Variants in LYPLAL1 observed in about 807,000 individuals in gnomAD.
The protein encoded by LYPLAL1 is lysophospholipase like 1, also known as lysophospholipase-like protein 1.
In LYPLAL1, 23 loss-of-function variants were observed where a neutral mutation model predicts 19.7. The ratio of observed to expected loss-of-function variants is 1.17; its 90% CI spans 0.84 to 1.65. The LOEUF (loss-of-function observed/expected upper bound fraction) is 1.65. Among genes scored for constraint, LYPLAL1 ranks in the 40% most tolerant of loss-of-function variants. LYPLAL1 has a pLI of 0.00. For synonymous variants in LYPLAL1, 119 were observed against 96.3 expected, an observed-to-expected ratio of 1.24 and a Z score of -1.38; for missense variants, 355 against 279.4, an observed-to-expected ratio of 1.27 and a Z score of -1.93.
chr1:219,196,651 A>C (rs142504899), intron 3 of LYPLAL1, among the ~76,000 whole-genome samples: 1 of 152,166 alleles, frequency 6.6e-6, no homozygotes, highest in African/African-American at 2.4e-5. Context: ...GGCTGGGGCA[A>C]TCAGGCAAGA....
intron 3 of LYPLAL1, among the ~76,000 whole-genome samples, chr1:219,202,893 C>T (rs757827535): frequency 5.9e-5 from 9 of 151,738 alleles, no homozygotes; most frequent in Non-Finnish European, 1.0e-4. Context: ...CTCTATGTTG[C>T]CCAGGCTGGT....
the LYPLAL1 span, among the ~76,000 whole-genome samples, chr1:219,390,149 A>C: frequency 1.3e-5 from 2 of 152,138 alleles, no homozygotes; most frequent in Admixed American, 1.3e-4. Context: ...TACTGACTAC[A>C]CTGTGTAAAT....
chr1:219,283,702 G>C, the LYPLAL1 span, among the ~76,000 whole-genome samples: 46 of 152,318 alleles, frequency 3.0e-4, no homozygotes, highest in Non-Finnish European at 4.9e-4. Context: ...AGGAACCATA[G>C]AAGCATTCAA....
chr1:219,439,950 C>T, the LYPLAL1 span, among the ~76,000 whole-genome samples: 1 of 135,156 alleles, frequency 7.4e-6, no homozygotes, highest in Admixed American at 7.7e-5. Context: ...CTTAAGAAGA[C>T]AAAACTGACT....
the LYPLAL1 span, among the ~76,000 whole-genome samples, chr1:219,242,266 T>A: frequency 4.6e-5 from 7 of 152,150 alleles, no homozygotes; most frequent in Non-Finnish European, 8.8e-5. Flanking sequence ...TAATTTATAT[T>A]GCCAGAGAAA....
intron 2 of LYPLAL1, among the ~76,000 whole-genome samples, chr1:219,182,541 G>T (rs1011288128): frequency 1.3e-5 from 2 of 152,050 alleles, no homozygotes; most frequent in South Asian, 2.1e-4. Context: ...TGATAGATAC[G>T]TGCCTTCCTT....
At chr1:219,344,643 A>G in the LYPLAL1 span, among the ~76,000 whole-genome samples, 1 of 152,120 alleles carries the variant, frequency 6.6e-6, no homozygotes, top group African/African-American at 2.4e-5. Flanking sequence ...CTCCAGCTCT[A>G]TATGTCTGGG....
At chr1:219,372,846 A>G in the LYPLAL1 span, among the ~76,000 whole-genome samples, 16 of 152,224 alleles carry the variant, frequency 1.1e-4, no homozygotes, top group East Asian at 2.7e-3. Context: ...AGAGGCTGCA[A>G]TGTACCGTGA....
chr1:219,279,827 C>T, the LYPLAL1 span, among the ~76,000 whole-genome samples: 1 of 152,032 alleles, frequency 6.6e-6, no homozygotes, highest in Non-Finnish European at 1.5e-5. Context: ...AATGAAAACT[C>T]TCTGAGTCAT....
At chr1:219,350,644 G>A in the LYPLAL1 span, among the ~76,000 whole-genome samples, 135 of 152,314 alleles carry the variant, frequency 8.9e-4, 1 homozygote, top group East Asian at 0.019. Context: ...AGGGCATTTG[G>A]CAACAGTGGA....
chr1:219,189,456 T>A (rs138502429), intron 2 of LYPLAL1, among the ~76,000 whole-genome samples: 76 of 151,716 alleles, frequency 5.0e-4, no homozygotes, highest in African/African-American at 1.7e-3. Context: ...TTCAGAGTAA[T>A]GAAAATGAGT....
At chr1:219,412,173 C>T in the LYPLAL1 span, among the ~76,000 whole-genome samples, 1 of 152,124 alleles carries the variant, frequency 6.6e-6, no homozygotes, top group Non-Finnish European at 1.5e-5. Flanking sequence ...CTCAGCCCCC[C>T]AACAGGTACA....
chr1:219,354,827 G>C, the LYPLAL1 span, among the ~76,000 whole-genome samples: 1 of 152,108 alleles, frequency 6.6e-6, no homozygotes. Flanking sequence ...AAAAATTGAA[G>C]AGTACTACAT....
chr1:219,396,517 A>G, the LYPLAL1 span, among the ~76,000 whole-genome samples: 1 of 152,200 alleles, frequency 6.6e-6, no homozygotes, highest in African/African-American at 2.4e-5. Flanking sequence ...CAGTATGGCC[A>G]TTTTAACAAT....
At chr1:219,199,250 A>T (rs1657873982) in intron 3 of LYPLAL1, among the ~76,000 whole-genome samples, 1 of 152,138 alleles carries the variant, frequency 6.6e-6, no homozygotes, top group South Asian at 2.1e-4. Flanking sequence ...TCTTTTGTAT[A>T]TTTTTTATGA....
chr1:219,435,670 C>T, the LYPLAL1 span, among the ~76,000 whole-genome samples: 1 of 151,802 alleles, frequency 6.6e-6, no homozygotes, highest in Non-Finnish European at 1.5e-5. Flanking sequence ...ACTAAAAATA[C>T]AAAAAATAAG....
the LYPLAL1 span, among the ~76,000 whole-genome samples, chr1:219,334,803 A>G: frequency 6.6e-6 from 1 of 152,010 alleles, no homozygotes; most frequent in Non-Finnish European, 1.5e-5. Context: ...ATTCCTCTGC[A>G]TACCTTACCT....
intron 2 of LYPLAL1, among the ~76,000 whole-genome samples, chr1:219,183,746 A>T (rs1049203779): frequency 6.6e-6 from 1 of 151,912 alleles, no homozygotes; most frequent in Non-Finnish European, 1.5e-5. Flanking sequence ...GGATTCATCT[A>T]TATGTGTGTA....
At chr1:219,309,432 G>A in the LYPLAL1 span, among the ~76,000 whole-genome samples, 1 of 152,094 alleles carries the variant, frequency 6.6e-6, no homozygotes, top group East Asian at 1.9e-4. Context: ...TGAAATGTGA[G>A]GACATGAGAT....
Sources: allele counts gnomAD v4.1 joint callset (sites outside exome capture counted in the v4.1 genomes callset), GRCh38; gene constraint gnomAD v4.1.1; transcripts MANE v1.5; gene names NCBI Gene and HGNC (gene_info 2026-07-23, HGNC 2026-07-21).